SLC14A2: variants seen among roughly 807,000 people sequenced by gnomAD.
SLC14A2 encodes solute carrier family 14 member 2.
A neutral mutation model predicts 104.6 loss-of-function variants in SLC14A2; 91 were observed. That is an observed-to-expected ratio of 0.87 (90% CI 0.73 to 1.04). The LOEUF (loss-of-function observed/expected upper bound fraction) is 1.04. SLC14A2 is among the 50% of genes least tolerant of loss of function. The probability of loss-of-function intolerance (pLI) is 0.00; values close to 1 mark genes in which losing one functional copy is unlikely to be tolerated. For synonymous variants in SLC14A2, 476 were observed against 466.4 expected (o/e 1.02, Z -0.27); for missense variants, 1,189 against 1,156.0 (o/e 1.03, Z -0.41).
rs554780436 is a variant in SLC14A2, at chr18:45,258,226, G to A, written c.-125+45035G>A. ...TGACACTAAAGCCTGGACTCTGCACGCTCACACTGGGCTCCCATCCCTCCT... is the reference window on the plus strand; with the variant it reads ...TGACACTAAAGCCTGGACTCTGCACACTCACACTGGGCTCCCATCCCTCCT... On this transcript the variant is annotated intron_variant, in intron 1 of 20. Coordinates refer to the SLC14A2 transcript ENST00000586448. 4.8e-5 allele frequency among the ~76,000 whole-genome samples: 5 copies of A among 104,986 alleles called. 2 individuals carry two copies. The highest frequency in any genetic ancestry group is 9.0e-5 in the African/African-American group (2 of 22,144). 68.9% of individuals were successfully genotyped at this position (104,986 alleles called of 152,430 possible).
At chr18:45,384,691 C>A (rs892092217) in intron 1 of SLC14A2, among the ~76,000 whole-genome samples, 9 of 152,106 alleles carry the variant, frequency 5.9e-5, no homozygotes, top group Non-Finnish European at 1.3e-4. Flanking sequence ...CAGGGGCTGC[C>A]CTCGCATTGC....
intron 2 of SLC14A2, among the ~76,000 whole-genome samples, chr18:45,608,538 A>G (rs1204953498): frequency 6.6e-6 from 1 of 152,050 alleles, no homozygotes; most frequent in Non-Finnish European, 1.5e-5. Flanking sequence ...ATCAACACTC[A>G]CCCTCCTTTT....
chr18:45,380,214 G>A (rs1296567026), intron 1 of SLC14A2, among the ~76,000 whole-genome samples: 2 of 152,126 alleles, frequency 1.3e-5, no homozygotes, highest in South Asian at 2.1e-4. Context: ...AATATCATAA[G>A]ACCAACCATT....
chr18:45,466,204 T>C (rs1482291380), intron 1 of SLC14A2, among the ~76,000 whole-genome samples: 2 of 152,106 alleles, frequency 1.3e-5, no homozygotes, highest in African/African-American at 4.8e-5. Context: ...TCATGTATTA[T>C]ATTACCTGGA....
intron 1 of SLC14A2, among the ~76,000 whole-genome samples, chr18:45,349,491 G>A (rs183623055): frequency 2.9e-4 from 44 of 152,242 alleles, no homozygotes; most frequent in African/African-American, 1.1e-3. Context: ...TCCTAGAGAT[G>A]GAATATATGT....
intron 1 of SLC14A2, among the ~76,000 whole-genome samples, chr18:45,237,340 C>T (rs1180876669): frequency 6.6e-6 from 1 of 151,910 alleles, no homozygotes; most frequent in African/African-American, 2.4e-5. Flanking sequence ...GGAGAGTGTC[C>T]CTGGTTACGT....
At chr18:45,674,342 G>A (rs1181994618) in intron 18 of SLC14A2, among the ~76,000 whole-genome samples, 1 of 152,034 alleles carries the variant, frequency 6.6e-6, no homozygotes, top group East Asian at 1.9e-4. Context: ...TAGACTCTGT[G>A]AACATTATCT....
At chr18:45,597,007 T>A (rs2044725790) in intron 2 of SLC14A2, among the ~76,000 whole-genome samples, 2 of 152,106 alleles carry the variant, frequency 1.3e-5, no homozygotes, top group Admixed American at 1.3e-4. Flanking sequence ...ACCAATCCCA[T>A]CAAAACCTCA....
chr18:45,188,175 G>C, the SLC14A2 span, among the ~76,000 whole-genome samples: 1 of 152,236 alleles, frequency 6.6e-6, no homozygotes, highest in Admixed American at 6.5e-5. Flanking sequence ...AGGATGAAGA[G>C]TTAGTGTTGG....
chr18:45,303,863 G>T (rs1219002601), intron 1 of SLC14A2, among the ~76,000 whole-genome samples: 2 of 152,140 alleles, frequency 1.3e-5, no homozygotes, highest in East Asian at 1.9e-4. Context: ...TTAGAGTGAG[G>T]TTCACCTGTT....
chr18:45,581,968 A>G (rs1325822215), intron 2 of SLC14A2, among the ~76,000 whole-genome samples: 1 of 152,206 alleles, frequency 6.6e-6, no homozygotes, highest in East Asian at 1.9e-4. Context: ...CAGACTGGGT[A>G]ATTTATAATG....
chr18:45,545,714 C>T lies in SLC14A2; in HGVS notation c.-35+62392C>T, dbSNP rs550109869. ...TGGAAAGCTGGGTTTTCATTGGTCA[C>T]TGTGTTAAAAAGCAAGTACCATGGG... On this transcript the variant is annotated intron_variant, in intron 2 of 20. Coordinates refer to the SLC14A2 transcript ENST00000586448. Among the ~76,000 whole-genome samples, 95 of 152,240 alleles carry T rather than the reference C, an allele frequency of 6.2e-4. 3 individuals are homozygous for T. The South Asian group carries it at 0.015, about 24-fold the overall frequency.
chr18:45,422,133 A>C (rs950765346), intron 1 of SLC14A2, among the ~76,000 whole-genome samples: 2 of 152,218 alleles, frequency 1.3e-5, no homozygotes, highest in African/African-American at 4.8e-5. Context: ...AGGGAGCTAT[A>C]GCAGGTTTCT....
At chr18:45,521,695 A>G (rs2043519061) in intron 2 of SLC14A2, among the ~76,000 whole-genome samples, 1 of 152,056 alleles carries the variant, frequency 6.6e-6, no homozygotes, top group Admixed American at 6.6e-5. Context: ...TATTCCATAA[A>G]CCAGCAAGTC....
chr18:45,619,266 G>T (rs2045125257), intron 1 of SLC14A2, among the ~76,000 whole-genome samples: 1 of 152,212 alleles, frequency 6.6e-6, no homozygotes, highest in Admixed American at 6.5e-5. Context: ...GGGCAGGGCA[G>T]CCGCTCTGTG....
intron 1 of SLC14A2, among the ~76,000 whole-genome samples, chr18:45,424,774 T>C (rs756265382): frequency 1.3e-5 from 2 of 152,238 alleles, no homozygotes; most frequent in Non-Finnish European, 2.9e-5. Flanking sequence ...AGACCCAAAA[T>C]TTCCTAGTTC....
chr18:45,523,144 TTTGAGAAAAGG>T (rs2043539943), intron 2 of SLC14A2, among the ~76,000 whole-genome samples: 1 of 152,048 alleles, frequency 6.6e-6, no homozygotes, highest in Non-Finnish European at 1.5e-5. Flanking sequence ...TTACACTCAA[TTTGAGAAAAGG>T]ATTAAATAAA....
At chr18:45,227,175 C>G (rs1407134048) in intron 1 of SLC14A2, among the ~76,000 whole-genome samples, 2 of 152,164 alleles carry the variant, frequency 1.3e-5, no homozygotes, top group African/African-American at 4.8e-5. Context: ...ACTAGCCTCC[C>G]CAGCTGAAAG....
Position 45,480,730 on chromosome 18 carries a change from C to A in SLC14A2, c.-124-2503C>A, listed in dbSNP as rs971382755. ...CCTGCATGGGCTTTCATTAGAGGCA[C>A]CAAGCATCTTGGATTGCCAGGAACA... On this transcript the variant is annotated intron_variant, in intron 1 of 20. Coordinates refer to the SLC14A2 transcript ENST00000586448. Among the ~76,000 whole-genome samples the A allele has an allele frequency of 3.3e-5, 5 of 152,308 alleles. No individual in the cohort carries two copies. In the East Asian group the frequency reaches 9.7e-4, roughly 29 times the overall value.
Sources: allele counts gnomAD v4.1 joint callset (sites outside exome capture counted in the v4.1 genomes callset), GRCh38; gene constraint gnomAD v4.1.1; transcripts MANE v1.5; gene names NCBI Gene and HGNC (gene_info 2026-07-23, HGNC 2026-07-21).